Variants in UNC5C observed in about 807,000 individuals in gnomAD.
UNC5C encodes the protein unc-5 netrin receptor C.
Under a neutral mutation model 99.8 loss-of-function variants are expected in UNC5C, and 47 were observed. The ratio of observed to expected loss-of-function variants is 0.47; its 90% CI spans 0.37 to 0.60. UNC5C has a LOEUF of 0.60. Among genes scored for constraint, UNC5C ranks in the 20% least tolerant of loss-of-function variants. The pLI, the probability that UNC5C is intolerant of heterozygous loss-of-function variation, is 0.00. For missense variants in UNC5C, 1,062 were observed against 1,165.9 expected (o/e 0.91, Z 1.30); for synonymous variants, 487 against 452.2 (o/e 1.08, Z -0.98).
At chr4:95,491,068 A>C (rs1721474482) in intron 1 of UNC5C, among the ~76,000 whole-genome samples, 1 of 151,578 alleles carries the variant, frequency 6.6e-6, no homozygotes, top group Admixed American at 6.6e-5. Context: ...GTAGCAGAAA[A>C]GTAAGATGAG....
intron 1 of UNC5C, among the ~76,000 whole-genome samples, chr4:95,354,411 C>T (rs1744096641): frequency 6.7e-6 from 1 of 149,860 alleles, no homozygotes; most frequent in Admixed American, 6.7e-5. Flanking sequence ...ACACAACACG[C>T]AGTTTCTACA....
intron 2 of UNC5C, among the ~76,000 whole-genome samples, chr4:95,319,571 G>T (rs556649462): frequency 6.6e-6 from 1 of 152,218 alleles, no homozygotes; most frequent in South Asian, 2.1e-4. Context: ...TCTCCAAAAG[G>T]TACTATTTAG....
chr4:95,187,346 A>C (rs1026022864), intron 12 of UNC5C, among the ~76,000 whole-genome samples: 7 of 152,224 alleles, frequency 4.6e-5, no homozygotes, highest in Admixed American at 1.3e-4. Context: ...TTATCTGATT[A>C]CTATAGATCT....
chr4:95,466,192 A>C (rs1456697755), intron 1 of UNC5C, among the ~76,000 whole-genome samples: 1 of 152,140 alleles, frequency 6.6e-6, no homozygotes, highest in Non-Finnish European at 1.5e-5. Flanking sequence ...GCTTAGTGAA[A>C]ATTTTAATTA....
chr4:95,343,622 G>T (rs180729490), intron 1 of UNC5C, among the ~76,000 whole-genome samples: 2 of 152,244 alleles, frequency 1.3e-5, no homozygotes, highest in Admixed American at 6.5e-5. Flanking sequence ...GCTGGAGAGA[G>T]AGAGATATAT....
At position 95,335,524 on chromosome 4, in the gene UNC5C, G is replaced by C; in HGVS notation, c.232C>G (p.Pro78Ala). ...PEEAYIVKNK[P>A]VNLYCKASPA... ...CTTGCTTTACAGTACAGGTTCACGG[G>C]CTTATTCTTCACAATATAAGCTTCT... Residue 78 changes from proline to alanine, a missense_variant, in exon 2 of 16, where the codon CCC (proline) becomes GCC (alanine). Coordinates refer to ENST00000453304, the MANE Select transcript of UNC5C (RefSeq NM_003728.4). The C allele has an allele frequency of 6.2e-7, 1 of 1,612,290 alleles. No individual in the cohort carries two copies. The highest frequency in any genetic ancestry group is 1.1e-5 in the South Asian group (1 of 91,016).
At chr4:95,248,497 G>A in intron 5 of UNC5C, 1 of 454,868 alleles carries the variant, frequency 2.2e-6, no homozygotes, top group African/African-American at 2.0e-5. Flanking sequence ...CTGTCCTTGA[G>A]GATAAGAATG....
chr4:95,207,830 G>A (rs751120934), intron 10 of UNC5C, among the ~76,000 whole-genome samples: 1 of 152,142 alleles, frequency 6.6e-6, no homozygotes, highest in Admixed American at 6.5e-5. Context: ...AGGTCACCTC[G>A]TTTACTATAA....
chr4:95,257,155 C>T (rs1456416129), intron 4 of UNC5C, among the ~76,000 whole-genome samples: 2 of 152,134 alleles, frequency 1.3e-5, no homozygotes, highest in African/African-American at 2.4e-5. Context: ...ATCTCAAACC[C>T]TCCTAATGGC....
intron 1 of UNC5C, among the ~76,000 whole-genome samples, chr4:95,393,889 T>G (rs1457887220): frequency 1.3e-5 from 2 of 150,420 alleles, no homozygotes; most frequent in African/African-American, 4.9e-5. Context: ...GCTATAAATC[T>G]CTCCTTTAGA....
intron 1 of UNC5C, among the ~76,000 whole-genome samples, chr4:95,527,753 T>C (rs1044925720): frequency 6.6e-5 from 10 of 152,142 alleles, no homozygotes; most frequent in African/African-American, 2.2e-4. Flanking sequence ...GTGATTTTCT[T>C]ATTAATCTAG....
intron 1 of UNC5C, among the ~76,000 whole-genome samples, chr4:95,469,970 T>A (rs957561796): frequency 6.6e-6 from 1 of 152,274 alleles, no homozygotes; most frequent in East Asian, 1.9e-4. Flanking sequence ...ATTATTACAG[T>A]ATGTACTAAG....
At chr4:95,478,997 C>T (rs374812941) in intron 1 of UNC5C, among the ~76,000 whole-genome samples, 30 of 151,882 alleles carry the variant, frequency 2.0e-4, no homozygotes, top group African/African-American at 2.9e-4. Context: ...CCTCGCCTTC[C>T]GCTACTAGTA....
At chr4:95,363,334 G>T (rs915018607) in intron 1 of UNC5C, among the ~76,000 whole-genome samples, 2 of 152,166 alleles carry the variant, frequency 1.3e-5, no homozygotes, top group African/African-American at 4.8e-5. Context: ...CAAACAAAAT[G>T]TCGCATCCCA....
Position 95,480,828 on chromosome 4 carries a change from T to G in UNC5C, c.124+67906A>C, listed in dbSNP as rs368587778. 1.8e-3 allele frequency among the ~76,000 whole-genome samples: 273 copies of G among 152,064 alleles called. 1 individual carries two copies. The East Asian group carries it at 0.022, about 12-fold the overall frequency. On this transcript the variant is annotated intron_variant, in intron 1 of 15. Coordinates refer to ENST00000453304, the MANE Select transcript of UNC5C (RefSeq NM_003728.4). ...CAACAACCATTCATGCTAAAAACTCTCAATAAATTAGGTATTGATGGGACG... is the reference window on the plus strand; with the variant it reads ...CAACAACCATTCATGCTAAAAACTCGCAATAAATTAGGTATTGATGGGACG...
intron 1 of UNC5C, among the ~76,000 whole-genome samples, chr4:95,370,871 C>G (rs17023634): frequency 6.6e-6 from 1 of 152,016 alleles, no homozygotes; most frequent in African/African-American, 2.4e-5. Flanking sequence ...CAAAAGAATA[C>G]GTAGTTCAAA....
intron 12 of UNC5C, among the ~76,000 whole-genome samples, chr4:95,201,332 A>G (rs1439808634): frequency 2.0e-5 from 3 of 152,106 alleles, no homozygotes; most frequent in African/African-American, 7.2e-5. Flanking sequence ...CCACTTGAAC[A>G]GGACTTTTTA....
intron 4 of UNC5C, among the ~76,000 whole-genome samples, chr4:95,261,857 C>T (rs959260111): frequency 1.3e-5 from 2 of 152,104 alleles, no homozygotes; most frequent in South Asian, 2.1e-4. Flanking sequence ...GGGCATGCCA[C>T]GATGCCCAGC....
chr4:95,430,092 G>A (rs1429422024), intron 1 of UNC5C, among the ~76,000 whole-genome samples: 2 of 152,060 alleles, frequency 1.3e-5, no homozygotes, highest in Non-Finnish European at 2.9e-5. Context: ...GATACATGTT[G>A]TTATACATTG....
Sources: allele counts gnomAD v4.1 joint callset (sites outside exome capture counted in the v4.1 genomes callset), GRCh38; gene constraint gnomAD v4.1.1; transcripts MANE v1.5; gene names NCBI Gene and HGNC (gene_info 2026-07-23, HGNC 2026-07-21).